SH3RF3: variants seen among roughly 807,000 people sequenced by gnomAD.
The protein encoded by SH3RF3 is SH3 domain containing ring finger 3.
In SH3RF3, 29 loss-of-function variants were observed where a neutral mutation model predicts 66.3. That is an observed-to-expected ratio of 0.44 (90% confidence interval 0.33 to 0.60). The LOEUF (loss-of-function observed/expected upper bound fraction) is 0.60, where lower values mean the gene tolerates loss of function less well. SH3RF3 is among the 20% of genes least tolerant of loss of function. The pLI is 0.04. For synonymous variants in SH3RF3, 583 were observed against 532.0 expected, an observed-to-expected ratio of 1.10 and a Z score of -1.32; for missense variants, 1,194 against 1,190.9, an observed-to-expected ratio of 1.00 and a Z score of -0.04.
intron 1 of SH3RF3, among the ~76,000 whole-genome samples, chr2:109,153,361 A>G (rs1209790304): frequency 1.3e-5 from 2 of 152,216 alleles, no homozygotes; most frequent in African/African-American, 4.8e-5. Context: ...GTGATTTAAA[A>G]AAATTTGTAT....
intron 1 of SH3RF3, among the ~76,000 whole-genome samples, chr2:109,316,499 A>T (rs62152211): frequency 0.31 from 47,377 of 151,976 alleles, 9,141 homozygotes; most frequent in African/African-American, 0.55. Flanking sequence ...CATGGAGAGA[A>T]CTTATCACTC....
At chr2:109,477,083 G>C (rs560042694) in intron 8 of SH3RF3, among the ~76,000 whole-genome samples, 99 of 152,328 alleles carry the variant, frequency 6.5e-4, no homozygotes, top group African/African-American at 2.3e-3. Context: ...ATGCACCCCA[G>C]TAGGTCTCAG....
intron 1 of SH3RF3, among the ~76,000 whole-genome samples, chr2:109,163,835 T>C (rs1056473726): frequency 1.3e-5 from 2 of 152,222 alleles, no homozygotes; most frequent in African/African-American, 2.4e-5. Flanking sequence ...CAATGTGTTT[T>C]CCATGATCTC....
chr2:109,398,515 C>A, intron 3 of SH3RF3, 75 bp from the exon 4 acceptor site: 1 of 1,312,820 alleles, frequency 7.6e-7, no homozygotes, highest in Non-Finnish European at 1.0e-6. Context: ...GAAATGTGGC[C>A]TGGAGAGTGC....
At chr2:109,483,657 T>G (rs1406446399) in intron 8 of SH3RF3, among the ~76,000 whole-genome samples, 1 of 152,210 alleles carries the variant, frequency 6.6e-6, no homozygotes, top group Non-Finnish European at 1.5e-5. Flanking sequence ...TGGTATAAAG[T>G]CAAGGCTGGA....
chr2:109,192,283 C>T (rs186657694), intron 1 of SH3RF3, among the ~76,000 whole-genome samples: 5 of 152,210 alleles, frequency 3.3e-5, no homozygotes, highest in Admixed American at 2.6e-4. Flanking sequence ...TTGGAGAAAT[C>T]GTGGCTTATT....
intron 1 of SH3RF3, among the ~76,000 whole-genome samples, chr2:109,252,254 GA>G (rs57575966): frequency 0.041 from 5,942 of 144,556 alleles, 370 homozygotes; most frequent in African/African-American, 0.14. Flanking sequence ...TCTCAGAGGA[GA>G]AAAAAAAAAA....
chr2:109,249,521 T>TTTCTTTC (rs1680017131), intron 1 of SH3RF3, among the ~76,000 whole-genome samples: 16 of 93,712 alleles, frequency 1.7e-4, no homozygotes, highest in Admixed American at 3.5e-4. Context: ...TTCTTTCTTT[T>TTTCTTTC]TCTTTCTTTC....
At chr2:109,352,826 A>G (rs1346041707) in intron 2 of SH3RF3, among the ~76,000 whole-genome samples, 4 of 152,222 alleles carry the variant, frequency 2.6e-5, no homozygotes, top group African/African-American at 7.2e-5. Context: ...CTTAGCCACT[A>G]CAGACCACCC....
intron 2 of SH3RF3, among the ~76,000 whole-genome samples, chr2:109,357,566 T>C (rs866150210): frequency 6.6e-6 from 1 of 152,242 alleles, no homozygotes; most frequent in African/African-American, 2.4e-5. Flanking sequence ...CCTTCCCGCA[T>C]GTCTACTAAC....
At chr2:109,249,350 A>G (rs893745001) in intron 1 of SH3RF3, among the ~76,000 whole-genome samples, 2 of 152,192 alleles carry the variant, frequency 1.3e-5, no homozygotes, top group African/African-American at 2.4e-5. Context: ...AAAATCCCCG[A>G]GCAAGTTGGT....
chr2:109,370,233 C>CTCTGTCTCTG (rs1683239471), intron 2 of SH3RF3, among the ~76,000 whole-genome samples: 2 of 114,878 alleles, frequency 1.7e-5, no homozygotes, highest in Admixed American at 1.1e-4. Context: ...CTCTGTCTCT[C>CTCTGTCTCTG]TCTCTCTTTT....
chr2:109,479,697 G>T (rs1344641490), intron 8 of SH3RF3, among the ~76,000 whole-genome samples: 1 of 152,122 alleles, frequency 6.6e-6, no homozygotes, highest in Non-Finnish European at 1.5e-5. Flanking sequence ...TGAATTAAAT[G>T]ATCATTTTCT....
intron 1 of SH3RF3, among the ~76,000 whole-genome samples, chr2:109,293,950 C>T (rs1681247992): frequency 6.6e-6 from 1 of 152,162 alleles, no homozygotes; most frequent in Non-Finnish European, 1.5e-5. Flanking sequence ...TCTATGTTCT[C>T]CAAGAGCTTC....
chr2:109,484,254 A>G (rs1381058679), intron 8 of SH3RF3, among the ~76,000 whole-genome samples: 2 of 152,016 alleles, frequency 1.3e-5, no homozygotes, highest in African/African-American at 2.4e-5. Context: ...TTTGGTAGAG[A>G]TGGGGTTTCA....
intron 5 of SH3RF3, among the ~76,000 whole-genome samples, chr2:109,430,817 A>ACAGAGAC (rs1677188496): frequency 1.3e-5 from 2 of 152,250 alleles, no homozygotes; most frequent in South Asian, 4.1e-4. Flanking sequence ...AGTTGGTCCT[A>ACAGAGAC]ATTTCACTGT....
intron 3 of SH3RF3, among the ~76,000 whole-genome samples, chr2:109,392,465 G>A (rs1329065846): frequency 2.0e-5 from 3 of 152,044 alleles, no homozygotes; most frequent in Non-Finnish European, 2.9e-5. Flanking sequence ...ATGTGGGGAT[G>A]AAGGTAAAGT....
At chr2:109,289,668 T>C (rs1157762656) in intron 1 of SH3RF3, among the ~76,000 whole-genome samples, 1 of 152,208 alleles carries the variant, frequency 6.6e-6, no homozygotes, top group East Asian at 1.9e-4. Flanking sequence ...GGCTCTCTGG[T>C]GTTGGCAGGC....
chr2:109,320,380 T>C (rs1050665414), intron 1 of SH3RF3, among the ~76,000 whole-genome samples: 2 of 152,092 alleles, frequency 1.3e-5, no homozygotes, highest in African/African-American at 4.8e-5. Flanking sequence ...AGGTACAACG[T>C]TTGATCTCAC....
Sources: gnomAD v4.1 joint callset for allele counts (sites outside exome capture counted in the v4.1 genomes callset) on GRCh38, gnomAD v4.1.1 for gene constraint, MANE v1.5 for transcripts, NCBI Gene and HGNC (gene_info 2026-07-23, HGNC 2026-07-21) for gene names.